LARP4: variants seen among roughly 807,000 people sequenced by gnomAD.
The protein encoded by LARP4 is La ribonucleoprotein 4, also known as la-related protein 4.
A neutral mutation model predicts 92.9 loss-of-function variants in LARP4; 29 were observed. That is an observed-to-expected ratio of 0.31 (90% confidence interval 0.23 to 0.43). The LOEUF is 0.43. Ranked by LOEUF, LARP4 falls within the 20% of genes least tolerant of loss-of-function variation. The pLI is 1.00. For missense variants in LARP4, 732 were observed against 860.0 expected, an observed-to-expected ratio of 0.85 and a Z score of 1.86; for synonymous variants, 279 against 284.1, an observed-to-expected ratio of 0.98 and a Z score of 0.18.
chr12:50,401,598 CGAG>C (rs1203405680), intron 1 of LARP4, among the ~76,000 whole-genome samples: 3 of 152,186 alleles, frequency 2.0e-5, no homozygotes, highest in Non-Finnish European at 4.4e-5. Flanking sequence ...TACTTTGAAT[CGAG>C]GAGAAGCCAG....
intron 12 of LARP4, among the ~76,000 whole-genome samples, chr12:50,464,140 C>T (rs1051047526): frequency 2.6e-5 from 4 of 152,264 alleles, no homozygotes; most frequent in South Asian, 4.1e-4. Context: ...TTCGTTAAGC[C>T]GTTCTCACAT....
chr12:50,429,848 A>G (rs1949381910), intron 3 of LARP4, among the ~76,000 whole-genome samples: 2 of 152,270 alleles, frequency 1.3e-5, no homozygotes, highest in Admixed American at 1.3e-4. Context: ...CATGTTGGCC[A>G]GGCTGGTCTC....
chr12:50,433,095 A>G (rs1206258385), intron 4 of LARP4, among the ~76,000 whole-genome samples: 3 of 151,940 alleles, frequency 2.0e-5, no homozygotes, highest in Non-Finnish European at 1.5e-5. Context: ...TTTGCCCATT[A>G]CACTTACCAC....
At chr12:50,406,233 G>T (rs988015356) in intron 1 of LARP4, among the ~76,000 whole-genome samples, 1 of 152,090 alleles carries the variant, frequency 6.6e-6, no homozygotes, top group Non-Finnish European at 1.5e-5. Flanking sequence ...ACTTTGGGAG[G>T]CCGAGGTGGG....
At chr12:50,428,121 G>A (rs1209509637) in intron 2 of LARP4, among the ~76,000 whole-genome samples, 3 of 148,784 alleles carry the variant, frequency 2.0e-5, no homozygotes, top group South Asian at 2.1e-4. Flanking sequence ...TCAGCCTCCC[G>A]GGTGGCTGGG....
intron 4 of LARP4, among the ~76,000 whole-genome samples, chr12:50,431,358 A>G (rs948482177): frequency 1.3e-5 from 2 of 152,200 alleles, no homozygotes; most frequent in Non-Finnish European, 2.9e-5. Context: ...TGTTTTTTCT[A>G]TGAACATACT....
At chr12:50,460,097 T>G (rs943297075) in intron 10 of LARP4, among the ~76,000 whole-genome samples, 1 of 150,002 alleles carries the variant, frequency 6.7e-6, no homozygotes, top group South Asian at 2.1e-4. Context: ...ATTGCACCAC[T>G]GCGCTCCAGC....
Position 50,474,174 on chromosome 12 carries a change from T to C in LARP4, c.1836+7T>C. 1 of 1,584,364 alleles carries C rather than the reference T, an allele frequency of 6.3e-7. No homozygotes were observed. The highest frequency in any genetic ancestry group is 8.6e-7 in the Non-Finnish European group (1 of 1,169,578). On this transcript the variant is annotated splice_region_variant and intron_variant, in intron 15 of 15. Coordinates refer to ENST00000398473, the MANE Select transcript of LARP4 (RefSeq NM_052879.5). ...TACAGCTGTGGCTCTACAGGTAACT[T>C]GAAGATTTTAGTTTATGTTAAAAAA...
intron 1 of LARP4, among the ~76,000 whole-genome samples, chr12:50,414,835 G>GT: frequency 6.6e-6 from 1 of 152,242 alleles, no homozygotes; most frequent in Non-Finnish European, 1.5e-5. Context: ...GTGGTTTTCA[G>GT]TTTTTCACTT....
At chr12:50,454,503 C>T in intron 10 of LARP4, 86 bp downstream of exon 10, 1 of 999,336 alleles carries the variant, frequency 1.0e-6, no homozygotes, top group Non-Finnish European at 1.5e-6. Flanking sequence ...TTGTCAGGCT[C>T]AGTAATAAGG....
intron 4 of LARP4, 90 bp downstream of exon 4, chr12:50,430,660 A>T (rs1402355495): frequency 5.7e-5 from 35 of 618,626 alleles, no homozygotes; most frequent in East Asian, 1.4e-4. Context: ...TATTTAACTA[A>T]TTTTTTTTTT....
At chr12:50,401,057 C>T in intron 1 of LARP4, 29 bp downstream of exon 1, 2 of 1,613,588 alleles carry the variant, frequency 1.2e-6, no homozygotes, top group Non-Finnish European at 1.7e-6. Context: ...TCTCGTCCTG[C>T]TCTTAGGAGA....
chr12:50,462,705 C>T (rs997740784), intron 12 of LARP4, 75 bp downstream of exon 12: 12 of 1,011,458 alleles, frequency 1.2e-5, no homozygotes, highest in Admixed American at 2.2e-5. Context: ...TCGGTCTTTC[C>T]TTTCTGGGTT....
intron 8 of LARP4, among the ~76,000 whole-genome samples, chr12:50,451,074 A>G (rs1269938505): frequency 6.6e-6 from 1 of 152,206 alleles, no homozygotes; most frequent in Non-Finnish European, 1.5e-5. Flanking sequence ...ATCAAATTGT[A>G]TACATGCCTT....
At chr12:50,450,233 C>T (rs573979227) in intron 8 of LARP4, among the ~76,000 whole-genome samples, 52 of 151,842 alleles carry the variant, frequency 3.4e-4, no homozygotes, top group Non-Finnish European at 5.0e-4. Context: ...CCTGGCCAGC[C>T]GTAGCAATCT....
chr12:50,474,550 T>G (rs1282669980), intron 15 of LARP4, among the ~76,000 whole-genome samples: 1 of 152,172 alleles, frequency 6.6e-6, no homozygotes, highest in South Asian at 2.1e-4. Context: ...GGTTTCACTG[T>G]GTTAGCCAGG....
chr12:50,427,445 G>A (rs1427557548), intron 1 of LARP4, among the ~76,000 whole-genome samples: 6 of 151,916 alleles, frequency 3.9e-5, no homozygotes, highest in Non-Finnish European at 7.4e-5. Context: ...CTGTAGCCTC[G>A]AACTTCCTGG....
intron 1 of LARP4, among the ~76,000 whole-genome samples, chr12:50,404,686 T>G (rs888127316): frequency 2.8e-5 from 4 of 143,048 alleles, no homozygotes; most frequent in African/African-American, 7.7e-5. Flanking sequence ...AAGCAGTTTT[T>G]TTTTTTTTTT....
intron 1 of LARP4, among the ~76,000 whole-genome samples, chr12:50,403,949 C>T (rs972115382): frequency 5.9e-5 from 9 of 152,048 alleles, no homozygotes; most frequent in South Asian, 2.1e-4. Flanking sequence ...GGCAGCTGGG[C>T]GCAGTGGCTC....
Sources: gnomAD v4.1 joint callset for allele counts (sites outside exome capture counted in the v4.1 genomes callset) on GRCh38, gnomAD v4.1.1 for gene constraint, MANE v1.5 for transcripts, NCBI Gene and HGNC (gene_info 2026-07-23, HGNC 2026-07-21) for gene names.